SRRM3: variants seen among roughly 807,000 people sequenced by gnomAD.
The protein encoded by SRRM3 is serine/arginine repetitive matrix protein 3.
Under a neutral mutation model 66.2 loss-of-function variants are expected in SRRM3, and 27 were observed. The observed-to-expected ratio is 0.41, with a 90% CI of 0.30 to 0.56. The LOEUF is 0.56. SRRM3 is among the 20% of genes least tolerant of loss of function. The pLI is 0.32. For missense variants in SRRM3, 918 were observed against 991.9 expected, an observed-to-expected ratio of 0.93 and a Z score of 1.00; for synonymous variants, 391 against 414.9, an observed-to-expected ratio of 0.94 and a Z score of 0.70.
intron 1 of SRRM3, among the ~76,000 whole-genome samples, chr7:76,220,545 C>T (rs1800683482): frequency 6.6e-6 from 1 of 152,182 alleles, no homozygotes; most frequent in South Asian, 2.1e-4. Flanking sequence ...CCCCGGACAC[C>T]CCATCTTGGC....
rs1554612641 is a variant in SRRM3, at chr7:76,285,605, T to G, written c.1734-10T>G. ...GGGATGGCCTGTAATCAGCTTTTTC[T>G]TCCCGGCAGCGCCCGCAAGCGTCCT... is the stretch of plus-strand genomic sequence containing the variant. On this transcript the variant is annotated splice_polypyrimidine_tract_variant and intron_variant, in intron 14 of 14. Coordinates refer to ENST00000611745, the MANE Select transcript of SRRM3 (RefSeq NM_001110199.3). This position sits in a 1 kb window ranked among gnomAD's most constrained non-coding sequence, Gnocchi z 4.1. The G allele has an allele frequency of 1.3e-6, 2 of 1,546,542 alleles. No individual in the cohort carries two copies. The highest frequency in any genetic ancestry group is 2.4e-5 in the South Asian group (2 of 83,892).
At chr7:76,244,655 A>G (rs1415973238) in intron 2 of SRRM3, among the ~76,000 whole-genome samples, 4 of 151,842 alleles carry the variant, frequency 2.6e-5, no homozygotes, top group Non-Finnish European at 5.9e-5. Flanking sequence ...TCCCCAAGCC[A>G]TCTCCCTCCT....
chr7:76,270,696 C>T (rs1459858584), intron 11 of SRRM3, among the ~76,000 whole-genome samples: 1 of 152,042 alleles, frequency 6.6e-6, no homozygotes, highest in Admixed American at 6.5e-5. Flanking sequence ...TGCCTATAAT[C>T]TCAGCTACTC....
At chr7:76,275,350 C>T (rs188658281) in intron 11 of SRRM3, among the ~76,000 whole-genome samples, 120 of 150,790 alleles carry the variant, frequency 8.0e-4, no homozygotes, top group African/African-American at 2.8e-3. Flanking sequence ...GCAAGCTAGG[C>T]GAGGTGGTAC....
intron 2 of SRRM3, among the ~76,000 whole-genome samples, chr7:76,235,636 C>A (rs1554604780): frequency 1.3e-5 from 2 of 151,850 alleles, no homozygotes; most frequent in African/African-American, 4.8e-5. Context: ...AAGGCCGAGG[C>A]GAGCGGATTA....
chr7:76,208,133 C>T (rs1800344431), intron 1 of SRRM3, among the ~76,000 whole-genome samples: 1 of 152,086 alleles, frequency 6.6e-6, no homozygotes, highest in Non-Finnish European at 1.5e-5. Context: ...GCCAGAACTG[C>T]TAGGGAAGGA....
At chr7:76,221,556 G>T (rs1800721835) in intron 1 of SRRM3, among the ~76,000 whole-genome samples, 1 of 151,338 alleles carries the variant, frequency 6.6e-6, no homozygotes, top group Non-Finnish European at 1.5e-5. Flanking sequence ...TAGAGACGGG[G>T]TTTCACCGTA....
chr7:76,245,343 G>A (rs1583903211), intron 2 of SRRM3, among the ~76,000 whole-genome samples: 1 of 152,168 alleles, frequency 6.6e-6, no homozygotes, highest in Non-Finnish European at 1.5e-5. Flanking sequence ...GGATGGCTGA[G>A]TGGGGAGGGC....
chr7:76,265,105 G>T (rs1554609306), intron 9 of SRRM3, among the ~76,000 whole-genome samples: 1 of 152,134 alleles, frequency 6.6e-6, no homozygotes, highest in African/African-American at 2.4e-5. Flanking sequence ...GCTGAGGGGG[G>T]TCTTGGGAGG....
chr7:76,281,125 T>C (rs1171379082), intron 11 of SRRM3, among the ~76,000 whole-genome samples: 4 of 150,590 alleles, frequency 2.7e-5, no homozygotes, highest in Admixed American at 2.6e-4. Context: ...TCTCTCTTCC[T>C]CTTTCTCTTC....
intron 3 of SRRM3, among the ~76,000 whole-genome samples, chr7:76,259,126 G>A (rs1349556523): frequency 4.0e-5 from 6 of 150,828 alleles, no homozygotes; most frequent in Non-Finnish European, 7.4e-5. Flanking sequence ...TTCAGTGAGA[G>A]AAAGGAGGGG....
chr7:76,205,654 C>G (rs782334705), intron 1 of SRRM3, among the ~76,000 whole-genome samples: 5 of 152,300 alleles, frequency 3.3e-5, no homozygotes, highest in Middle Eastern at 3.4e-3. Flanking sequence ...GGTGAACAAC[C>G]CTGAGAGGGT....
At chr7:76,228,289 G>A (rs1800929637) in intron 1 of SRRM3, among the ~76,000 whole-genome samples, 1 of 152,190 alleles carries the variant, frequency 6.6e-6, no homozygotes. Context: ...GAATCTTGGG[G>A]CTCTGTTTTG....
chr7:76,227,680 T>A (rs1456191053), intron 1 of SRRM3, among the ~76,000 whole-genome samples: 5 of 152,192 alleles, frequency 3.3e-5, no homozygotes, highest in African/African-American at 1.2e-4. Context: ...GCCTGTGAGC[T>A]TCTACAGGGC....
At chr7:76,214,242 C>T (rs1554602269) in intron 1 of SRRM3, among the ~76,000 whole-genome samples, 1 of 151,122 alleles carries the variant, frequency 6.6e-6, no homozygotes, top group Non-Finnish European at 1.5e-5. Flanking sequence ...AGAGTGGAGA[C>T]TTGGAGAGGC....
intron 3 of SRRM3, among the ~76,000 whole-genome samples, chr7:76,248,918 T>A (rs1583906890): frequency 6.6e-6 from 1 of 152,042 alleles, no homozygotes; most frequent in African/African-American, 2.4e-5. Context: ...AGGCAGAGGT[T>A]GCAGTGAGCC....
At chr7:76,232,303 CGCCTGAGGTCAGGAGTTCAAG>C (rs1801035288) in intron 1 of SRRM3, among the ~76,000 whole-genome samples, 1 of 151,946 alleles carries the variant, frequency 6.6e-6, no homozygotes, top group Non-Finnish European at 1.5e-5. Flanking sequence ...GAGGGCAGAT[CGCCTGAGGTCAGGAGTTCAAG>C]ACCAGCCTGG....
At chr7:76,253,754 G>A (rs529140085) in intron 3 of SRRM3, among the ~76,000 whole-genome samples, 1 of 140,824 alleles carries the variant, frequency 7.1e-6, no homozygotes, top group Non-Finnish European at 1.5e-5. Flanking sequence ...CCGAGATCCC[G>A]CCAGCCTGGG....
intron 11 of SRRM3, among the ~76,000 whole-genome samples, chr7:76,274,440 A>G (rs1554610854): frequency 6.6e-6 from 1 of 152,198 alleles, no homozygotes. Context: ...AGCAGGTTTG[A>G]GACCTAGAAG....
Sources: allele counts gnomAD v4.1 joint callset (sites outside exome capture counted in the v4.1 genomes callset), GRCh38; gene constraint gnomAD v4.1.1; non-coding constraint Gnocchi (gnomAD v3.1); transcripts MANE v1.5; gene names NCBI Gene and HGNC (gene_info 2026-07-23, HGNC 2026-07-21).